The following MEMO1 variants were observed in gnomAD, a reference collection of about 807,000 sequenced individuals.
MEMO1 encodes protein MEMO1.
In MEMO1, 6 loss-of-function variants were observed where a neutral mutation model predicts 45.2. The ratio of observed to expected loss-of-function variants is 0.13; its 90% CI spans 0.07 to 0.26. The LOEUF is 0.26. Ranked by LOEUF, MEMO1 falls within the 10% of genes least tolerant of loss-of-function variation. The probability of loss-of-function intolerance (pLI) is 1.00; values close to 1 mark genes in which losing one functional copy is unlikely to be tolerated. For synonymous variants in MEMO1, 78 were observed against 124.3 expected (o/e 0.63, Z 2.48); for missense variants, 184 against 370.5 (o/e 0.50, Z 4.13).
intron 2 of MEMO1, among the ~76,000 whole-genome samples, chr2:32,009,231 T>C (rs1674488674): frequency 6.6e-6 from 1 of 152,144 alleles, no homozygotes; most frequent in Non-Finnish European, 1.5e-5. Flanking sequence ...ATTCGTTAGG[T>C]AGTTCCAGCA....
intron 6 of MEMO1, among the ~76,000 whole-genome samples, chr2:31,900,420 T>A (rs1274431478): frequency 1.3e-5 from 2 of 151,852 alleles, no homozygotes; most frequent in Admixed American, 1.3e-4. Context: ...GTCAGCAAAC[T>A]AACACAGGAA....
intron 2 of MEMO1, among the ~76,000 whole-genome samples, chr2:31,980,989 G>T (rs1670569151): frequency 6.6e-6 from 1 of 152,174 alleles, no homozygotes; most frequent in African/African-American, 2.4e-5. Flanking sequence ...AAACTAATCA[G>T]TGTCCAACTC....
intron 7 of MEMO1, among the ~76,000 whole-genome samples, chr2:31,883,689 T>C (rs543130166): frequency 1.3e-5 from 2 of 152,110 alleles, no homozygotes; most frequent in Non-Finnish European, 2.9e-5. Flanking sequence ...CTGTTTCAAA[T>C]TGTAGAAACC....
At chr2:32,002,726 A>G (rs1047265160) in intron 2 of MEMO1, among the ~76,000 whole-genome samples, 3 of 152,180 alleles carry the variant, frequency 2.0e-5, no homozygotes. Flanking sequence ...TACCTATGAA[A>G]TATACTTAAT....
At chr2:31,868,608 T>C in intron 9 of MEMO1, 116 bp from the exon 10 acceptor site, 1 of 958,434 alleles carries the variant, frequency 1.0e-6, no homozygotes, top group Non-Finnish European at 1.4e-6. Flanking sequence ...TCTCTTTTGC[T>C]CTTTTGTTTC....
chr2:31,909,825 G>C (rs1680299981), intron 6 of MEMO1, among the ~76,000 whole-genome samples: 1 of 152,018 alleles, frequency 6.6e-6, no homozygotes. Flanking sequence ...AAGAAATACA[G>C]TAATTACTGA....
chr2:31,977,984 C>A (rs1424304003), intron 2 of MEMO1, among the ~76,000 whole-genome samples: 1 of 152,082 alleles, frequency 6.6e-6, no homozygotes, highest in African/African-American at 2.4e-5. Context: ...AACAATATGA[C>A]ATGGTGATTA....
chr2:31,997,344 G>A (rs915294384), intron 2 of MEMO1, among the ~76,000 whole-genome samples: 1 of 152,048 alleles, frequency 6.6e-6, no homozygotes, highest in Non-Finnish European at 1.5e-5. Flanking sequence ...GAGAATATAC[G>A]CACTATATTC....
At chr2:31,982,489 C>G (rs1332681020) in intron 2 of MEMO1, among the ~76,000 whole-genome samples, 1 of 149,724 alleles carries the variant, frequency 6.7e-6, no homozygotes, top group African/African-American at 2.5e-5. Flanking sequence ...ACTCGGGAGG[C>G]TGGGGCAGGA....
At chr2:31,901,012 A>C (rs1031392695) in intron 6 of MEMO1, among the ~76,000 whole-genome samples, 1 of 152,240 alleles carries the variant, frequency 6.6e-6, no homozygotes, top group Non-Finnish European at 1.5e-5. Flanking sequence ...GAAATGTTCA[A>C]TAGTTTATCA....
intron 6 of MEMO1, among the ~76,000 whole-genome samples, chr2:31,897,829 T>A (rs2148022074): frequency 6.6e-6 from 1 of 152,276 alleles, no homozygotes; most frequent in East Asian, 1.9e-4. Context: ...AGAATTCAGC[T>A]ATGAATGCAT....
intron 2 of MEMO1, among the ~76,000 whole-genome samples, chr2:32,002,520 C>T (rs530170116): frequency 6.6e-6 from 1 of 151,778 alleles, no homozygotes; most frequent in African/African-American, 2.4e-5. Context: ...GTGTTTCGGG[C>T]AGCATATTTT....
At chr2:31,915,702 C>T (rs1681338681) in intron 6 of MEMO1, among the ~76,000 whole-genome samples, 1 of 152,088 alleles carries the variant, frequency 6.6e-6, no homozygotes, top group Non-Finnish European at 1.5e-5. Flanking sequence ...AGCACTAAGG[C>T]CCAAGACACA....
At chr2:32,004,410 T>G (rs1385729989) in intron 2 of MEMO1, among the ~76,000 whole-genome samples, 3 of 152,056 alleles carry the variant, frequency 2.0e-5, no homozygotes, top group Admixed American at 2.0e-4. Context: ...ATGGGGTCCC[T>G]AACAAGAAAA....
intron 2 of MEMO1, among the ~76,000 whole-genome samples, chr2:31,967,860 A>C (rs1205744407): frequency 6.6e-6 from 1 of 152,198 alleles, no homozygotes; most frequent in Non-Finnish European, 1.5e-5. Context: ...AAAATTGTTT[A>C]TGTAAAGTAC....
At chr2:31,923,625 G>C in intron 4 of MEMO1, 2 of 1,544,172 alleles carry the variant, frequency 1.3e-6, no homozygotes, top group South Asian at 1.2e-5. Flanking sequence ...CTAGGGCCAG[G>C]TAGTATATGA....
chr2:31,935,139 C>A (rs1211541690), intron 3 of MEMO1, among the ~76,000 whole-genome samples: 1 of 152,044 alleles, frequency 6.6e-6, no homozygotes, highest in Non-Finnish European at 1.5e-5. Flanking sequence ...GAAACTAAAA[C>A]AGAGAGGTTA....
At chr2:31,873,869 A>C (rs568376753) in intron 8 of MEMO1, among the ~76,000 whole-genome samples, 4 of 152,190 alleles carry the variant, frequency 2.6e-5, no homozygotes, top group African/African-American at 7.2e-5. Flanking sequence ...TTATGGAAAA[A>C]ACTCACCTTA....
chr2:31,981,012 C>G (rs1411196763), intron 2 of MEMO1, among the ~76,000 whole-genome samples: 1 of 152,212 alleles, frequency 6.6e-6, no homozygotes, highest in Non-Finnish European at 1.5e-5. Flanking sequence ...TCCCATCTCC[C>G]TCACACAGTT....
Sources: allele counts gnomAD v4.1 joint callset (sites outside exome capture counted in the v4.1 genomes callset), GRCh38; gene constraint gnomAD v4.1.1; transcripts MANE v1.5; gene names NCBI Gene and HGNC (gene_info 2026-07-23, HGNC 2026-07-21).